The following DLGAP1 variants were observed in gnomAD, a reference collection of about 807,000 sequenced individuals.
DLGAP1 encodes the protein disks large-associated protein 1.
In DLGAP1, 11 loss-of-function variants were observed where a neutral mutation model predicts 90.8. That is an observed-to-expected ratio of 0.12 (90% CI 0.08 to 0.20). The LOEUF is 0.20. DLGAP1 is among the 10% of genes least tolerant of loss of function. DLGAP1 has a pLI of 1.00. For synonymous variants in DLGAP1, 558 were observed against 540.7 expected, an observed-to-expected ratio of 1.03 and a Z score of -0.44; for missense variants, 1,050 against 1,333.8, an observed-to-expected ratio of 0.79 and a Z score of 3.31.
At chr18:4,134,974 A>G (rs1390897788) in intron 2 of DLGAP1, among the ~76,000 whole-genome samples, 1 of 152,054 alleles carries the variant, frequency 6.6e-6, no homozygotes, top group Non-Finnish European at 1.5e-5. Context: ...AAAATGCAAA[A>G]AGCCCCACAG....
At chr18:4,110,241 T>G (rs1228585239) in intron 2 of DLGAP1, among the ~76,000 whole-genome samples, 1 of 152,216 alleles carries the variant, frequency 6.6e-6, no homozygotes, top group Non-Finnish European at 1.5e-5. Flanking sequence ...TGTAGGCAAA[T>G]GTAACAATGG....
chr18:4,381,515 T>C (rs1308011081), intron 1 of DLGAP1, among the ~76,000 whole-genome samples: 1 of 152,154 alleles, frequency 6.6e-6, no homozygotes, highest in Non-Finnish European at 1.5e-5. Flanking sequence ...TGTCTGTTAT[T>C]TCATACTTAA....
At chr18:4,279,745 C>T (rs1237795994) in intron 1 of DLGAP1, among the ~76,000 whole-genome samples, 1 of 152,176 alleles carries the variant, frequency 6.6e-6, no homozygotes, top group Non-Finnish European at 1.5e-5. Context: ...ATCAAATTTA[C>T]TAACAGAAAT....
At chr18:3,809,019 T>G (rs1568170393) in intron 5 of DLGAP1, among the ~76,000 whole-genome samples, 1 of 152,232 alleles carries the variant, frequency 6.6e-6, no homozygotes, top group Non-Finnish European at 1.5e-5. Flanking sequence ...TGTGCCTTGT[T>G]CTTACAATTA....
intron 10 of DLGAP1, among the ~76,000 whole-genome samples, chr18:3,530,144 G>A (rs1382276040): frequency 1.3e-5 from 2 of 152,202 alleles, no homozygotes; most frequent in Non-Finnish European, 2.9e-5. Context: ...GGTGGCTCAT[G>A]CCTGTAATTC....
At chr18:3,534,682 C>T in intron 9 of DLGAP1, 67 bp from the exon 10 acceptor site, 2 of 1,337,556 alleles carry the variant, frequency 1.5e-6, no homozygotes, top group South Asian at 3.1e-5. Context: ...TCCTTCCTTC[C>T]TTCCTTTCTT....
At chr18:3,855,622 T>A (rs113776374) in intron 4 of DLGAP1, among the ~76,000 whole-genome samples, 16,601 of 151,558 alleles carry the variant, frequency 0.11, 989 homozygotes, top group Middle Eastern at 0.13. Context: ...TTAATTAATT[T>A]ATTTATTTTG....
rs539262315 is a variant in DLGAP1, at chr18:4,275,817, A to C, written c.-266-124530T>G. The stretch of plus-strand genomic sequence containing the variant: ...TAATAATCATATACAATAAAATATA[A>C]AGTTGAGATACATATTTATTCTGAA... On this transcript the variant is annotated intron_variant, in intron 1 of 12. Transcript: ENST00000315677. 1.3e-4 allele frequency among the ~76,000 whole-genome samples: 20 copies of C among 152,318 alleles called. No individual in the cohort carries two copies. The East Asian group carries it at 3.9e-3, about 29-fold the overall frequency.
chr18:3,528,904 G>C (rs1022322276), intron 10 of DLGAP1, among the ~76,000 whole-genome samples: 6 of 152,210 alleles, frequency 3.9e-5, no homozygotes, highest in Non-Finnish European at 8.8e-5. Context: ...GAATGGAACT[G>C]TGTCTTAAGA....
intron 3 of DLGAP1, among the ~76,000 whole-genome samples, chr18:3,903,938 G>T (rs765526561): frequency 1.7e-4 from 26 of 152,200 alleles, no homozygotes; most frequent in Non-Finnish European, 3.4e-4. Flanking sequence ...TCCTGGGGCT[G>T]AATACTGGCC....
intron 3 of DLGAP1, among the ~76,000 whole-genome samples, chr18:3,997,907 A>G (rs2074102728): frequency 1.3e-5 from 2 of 152,074 alleles, no homozygotes; most frequent in African/African-American, 4.8e-5. Context: ...GAACATCTCA[A>G]TTTGGCCTAT....
At chr18:3,986,125 C>G (rs2073837188) in intron 3 of DLGAP1, 1 of 152,214 alleles carries the variant, frequency 6.6e-6, no homozygotes, top group Admixed American at 6.5e-5. Flanking sequence ...CATACCAATT[C>G]TCCCACTGGG....
intron 9 of DLGAP1, among the ~76,000 whole-genome samples, chr18:3,548,279 A>C (rs888002100): frequency 4.7e-4 from 26 of 54,826 alleles, no homozygotes; most frequent in Admixed American, 4.0e-3. Flanking sequence ...AATTTTTCTA[A>C]AAAAAAATCA....
intron 3 of DLGAP1, among the ~76,000 whole-genome samples, chr18:3,993,729 T>G (rs2074013439): frequency 6.6e-6 from 1 of 152,060 alleles, no homozygotes; most frequent in South Asian, 2.1e-4. Flanking sequence ...CAGGAGAGAA[T>G]GAATCTCTCA....
intron 5 of DLGAP1, among the ~76,000 whole-genome samples, chr18:3,806,903 G>T (rs189580139): frequency 6.6e-6 from 1 of 152,130 alleles, no homozygotes; most frequent in African/African-American, 2.4e-5. Flanking sequence ...TTTGAAGAAG[G>T]TTCAGGTTAC....
At chr18:3,557,951 A>G (rs919975454) in intron 9 of DLGAP1, among the ~76,000 whole-genome samples, 9 of 152,174 alleles carry the variant, frequency 5.9e-5, no homozygotes, top group Middle Eastern at 3.4e-3. Context: ...AATGGTTAAG[A>G]TCTGTTTTAT....
chr18:3,689,249 C>T (rs1377574857), intron 7 of DLGAP1, among the ~76,000 whole-genome samples: 1 of 152,194 alleles, frequency 6.6e-6, no homozygotes, highest in East Asian at 1.9e-4. Flanking sequence ...CCAAAGGACT[C>T]CTAAACCTCA....
chr18:3,959,669 A>AAAAGAAAGAAAGAAAGAAAGAAAGAAAG (rs35192992), intron 3 of DLGAP1, among the ~76,000 whole-genome samples: 1 of 149,202 alleles, frequency 6.7e-6, no homozygotes, highest in African/African-American at 2.5e-5. Flanking sequence ...GTCTCAAAAA[A>AAAAGAAAGAAAGAAAGAAAGAAAGAAAG]AAAGAAAGAA....
intron 5 of DLGAP1, among the ~76,000 whole-genome samples, chr18:3,765,328 C>G (rs562333791): frequency 1.3e-5 from 2 of 150,132 alleles, no homozygotes; most frequent in Non-Finnish European, 3.0e-5. Context: ...GATGGGGTTT[C>G]ACCATGTTAG....
Sources: gnomAD v4.1 joint callset for allele counts (sites outside exome capture counted in the v4.1 genomes callset) on GRCh38, gnomAD v4.1.1 for gene constraint, MANE v1.5 for transcripts, NCBI Gene and HGNC (gene_info 2026-07-23, HGNC 2026-07-21) for gene names.